Variants in ROBO2 observed in about 807,000 individuals in gnomAD.
ROBO2 encodes the protein roundabout guidance receptor 2.
ROBO2 carries 53 observed loss-of-function variants against 160.8 expected under a neutral mutation model. That is an observed-to-expected ratio of 0.33 (90% confidence interval 0.26 to 0.41). The LOEUF (loss-of-function observed/expected upper bound fraction) is 0.41, where lower values mean the gene tolerates loss of function less well. Among genes scored for constraint, ROBO2 ranks in the 10% least tolerant of loss-of-function variants. The probability of loss-of-function intolerance (pLI) is 1.00; values close to 1 mark genes in which losing one functional copy is unlikely to be tolerated. For missense variants in ROBO2, 1,577 were observed against 1,722.4 expected (o/e 0.92, Z 1.49); for synonymous variants, 664 against 611.7 (o/e 1.09, Z -1.26).
chr3:76,739,971 A>G (rs575064863), intron 2 of ROBO2, among the ~76,000 whole-genome samples: 38 of 152,350 alleles, frequency 2.5e-4, no homozygotes, highest in African/African-American at 9.1e-4. Flanking sequence ...TAAAAATATT[A>G]TGGGTCTTCC....
At chr3:76,710,230 C>A (rs1346487526) in intron 2 of ROBO2, among the ~76,000 whole-genome samples, 1 of 152,000 alleles carries the variant, frequency 6.6e-6, no homozygotes, top group South Asian at 2.1e-4. Context: ...AAGCAATTCT[C>A]CTGCCTCAGC....
chr3:76,449,622 T>G (rs1447876907), intron 2 of ROBO2, among the ~76,000 whole-genome samples: 1 of 152,180 alleles, frequency 6.6e-6, no homozygotes, highest in East Asian at 1.9e-4. Context: ...GTTAGAATTG[T>G]ATACATATCA....
chr3:76,258,604 T>C (rs1706547945), intron 2 of ROBO2, among the ~76,000 whole-genome samples: 1 of 152,042 alleles, frequency 6.6e-6, no homozygotes, highest in South Asian at 2.1e-4. Context: ...CTTTCATGGT[T>C]CTGTTGTTAT....
At chr3:75,921,086 G>T (rs1947023824) in intron 1 of ROBO2, among the ~76,000 whole-genome samples, 1 of 151,998 alleles carries the variant, frequency 6.6e-6, no homozygotes. Context: ...ATGCTAGCTG[G>T]TTATTTTGCA....
intron 2 of ROBO2, among the ~76,000 whole-genome samples, chr3:76,522,969 ATAAT>A (rs1184840368): frequency 6.7e-6 from 1 of 148,534 alleles, no homozygotes; most frequent in Non-Finnish European, 1.5e-5. Flanking sequence ...TTATGATTAT[ATAAT>A]TATTTAAAGT....
chr3:76,383,988 T>C (rs2076760710), intron 2 of ROBO2, among the ~76,000 whole-genome samples: 1 of 152,174 alleles, frequency 6.6e-6, no homozygotes, highest in Admixed American at 6.5e-5. Context: ...TGTCAGAGCA[T>C]GTGACAAGAC....
intron 6 of ROBO2, among the ~76,000 whole-genome samples, chr3:77,545,148 T>A (rs2092649519): frequency 6.6e-6 from 1 of 152,098 alleles, no homozygotes; most frequent in African/African-American, 2.4e-5. Context: ...CATCAGAGGG[T>A]TAAAGCTGCC....
At chr3:77,629,572 T>G (rs1358575167) in intron 23 of ROBO2, 1 of 152,190 alleles carries the variant, frequency 6.6e-6, no homozygotes, top group East Asian at 1.9e-4. Flanking sequence ...AATGTAAATT[T>G]TTTATCTTAA....
At chr3:77,024,225 G>C (rs918512929) in intron 2 of ROBO2, among the ~76,000 whole-genome samples, 2 of 152,142 alleles carry the variant, frequency 1.3e-5, no homozygotes, top group Admixed American at 6.5e-5. Context: ...GCATAGAACA[G>C]GATTGCTTCA....
chr3:76,778,901 C>T (rs541791932), intron 2 of ROBO2, among the ~76,000 whole-genome samples: 5 of 151,136 alleles, frequency 3.3e-5, no homozygotes, highest in African/African-American at 7.2e-5. Context: ...GTTACTTCTA[C>T]GAAAGCCTAT....
At chr3:77,176,856 C>G (rs1222930715) in intron 2 of ROBO2, among the ~76,000 whole-genome samples, 2 of 151,736 alleles carry the variant, frequency 1.3e-5, no homozygotes, top group African/African-American at 4.8e-5. Context: ...CTTACAAGTT[C>G]AATACTGAGA....
intron 2 of ROBO2, among the ~76,000 whole-genome samples, chr3:76,657,780 GTA>G (rs979546026): frequency 1.4e-4 from 21 of 146,408 alleles, no homozygotes; most frequent in African/African-American, 4.5e-4. Flanking sequence ...ATAGGTATGT[GTA>G]TATATATGTT....
At chr3:75,998,778 A>G (rs1321859998) in intron 2 of ROBO2, among the ~76,000 whole-genome samples, 1 of 152,214 alleles carries the variant, frequency 6.6e-6, no homozygotes, top group Non-Finnish European at 1.5e-5. Flanking sequence ...GAAAGAAAAC[A>G]CAAACTAAAA....
chr3:77,098,485 C>G, intron 2 of ROBO2, 145 bp downstream of exon 2: 1 of 824,136 alleles, frequency 1.2e-6, no homozygotes, highest in East Asian at 2.7e-5. Context: ...GAAGTCTGGT[C>G]AAGATAGTAT....
chr3:77,390,193 G>C (rs2074572747), intron 2 of ROBO2, among the ~76,000 whole-genome samples: 2 of 152,098 alleles, frequency 1.3e-5, no homozygotes, highest in Non-Finnish European at 2.9e-5. Context: ...TTGCAACCCA[G>C]ATTCCTATTT....
At chr3:76,162,807 G>C (rs1343385275) in intron 2 of ROBO2, among the ~76,000 whole-genome samples, 1 of 151,924 alleles carries the variant, frequency 6.6e-6, no homozygotes, top group East Asian at 1.9e-4. Flanking sequence ...TTTCTTATTA[G>C]ACATCCCTAT....
chr3:76,762,342 C>T (rs968156784), intron 2 of ROBO2, among the ~76,000 whole-genome samples: 1 of 150,454 alleles, frequency 6.6e-6, no homozygotes, highest in Non-Finnish European at 1.5e-5. Flanking sequence ...ATAAAAAATA[C>T]AATAGAATGT....
chr3:76,602,210 G>T (rs537122489), intron 2 of ROBO2, among the ~76,000 whole-genome samples: 73 of 152,150 alleles, frequency 4.8e-4, no homozygotes, highest in African/African-American at 1.7e-3. Flanking sequence ...ACATTTTTCT[G>T]TCTTCTTCTG....
intron 2 of ROBO2, among the ~76,000 whole-genome samples, chr3:76,203,494 C>G (rs550870892): frequency 1.3e-5 from 2 of 149,694 alleles, no homozygotes; most frequent in African/African-American, 4.9e-5. Context: ...GATCACAGGT[C>G]AGGGTTCTAG....
Sources: gnomAD v4.1 joint callset for allele counts (sites outside exome capture counted in the v4.1 genomes callset) on GRCh38, gnomAD v4.1.1 for gene constraint, MANE v1.5 for transcripts, NCBI Gene and HGNC (gene_info 2026-07-23, HGNC 2026-07-21) for gene names.